The following COL7A1 variants were observed in gnomAD, a reference collection of about 807,000 sequenced individuals.
COL7A1 encodes the protein collagen alpha-1(VII) chain.
A neutral mutation model predicts 456.2 loss-of-function variants in COL7A1; 296 were observed. The ratio of observed to expected loss-of-function variants is 0.65; its 90% confidence interval spans 0.59 to 0.71. The LOEUF is 0.71. Ranked by LOEUF, COL7A1 falls within the 30% of genes least tolerant of loss-of-function variation. The pLI is 0.00. For synonymous variants in COL7A1, 1,464 were observed against 1,525.9 expected, an observed-to-expected ratio of 0.96 and a Z score of 0.95; for missense variants, 3,441 against 4,017.2, an observed-to-expected ratio of 0.86 and a Z score of 3.88.
chr3:48,575,021 C>G lies in COL7A1; in HGVS notation c.6279+43G>C. 6.2e-7 allele frequency: 1 copy of G among 1,600,400 alleles called. No individual in the cohort carries two copies. Among genetic ancestry groups the G allele is most frequent in the Non-Finnish European group, 8.6e-7 (1 of 1,167,896 alleles). On this transcript the variant is annotated intron_variant, in intron 76 of 118. Transcript: ENST00000681320. This position sits in a 1 kb window ranked among gnomAD's most constrained non-coding sequence, Gnocchi z 6.3. ...TGGGGACCAAGCTAAGGGTGGCTTC[C>G]TGGTCACTAGTCACAGGACTAAGGC...
In COL7A1 at chr3:48,595,064, G is replaced by A; in HGVS notation, c.85+11C>T. 1 of 1,546,940 alleles carries A rather than the reference G, an allele frequency of 6.5e-7. No homozygotes were observed. The highest frequency in any genetic ancestry group is 8.7e-7 in the Non-Finnish European group (1 of 1,145,584). On this transcript the variant is annotated intron_variant, in intron 2 of 118. Coordinates refer to ENST00000681320, the MANE Select transcript of COL7A1 (RefSeq NM_000094.4). ...AGTGCCCCGGGCCGGGTCCTCCCTT[G>A]CGGTGCCCACCTCTCTCCCTGTGCT...
chr3:48,565,091 G>GGCA lies in COL7A1; in HGVS notation c.8620+17_8620+18insTGC, dbSNP rs35631233. 1.3e-5 allele frequency: 19 copies of GGCA among 1,461,442 alleles called. No homozygotes were observed. Among genetic ancestry groups the GGCA allele is most frequent in the African/African-American group, 3.0e-5 (1 of 33,482 alleles). The allele number at this position is 1,461,442 out of a possible 1,614,324, so 90.5% of individuals were successfully genotyped here. A position where few individuals can be genotyped will look rare whatever the true frequency, so the allele number is the denominator to read the frequency against. ...GCCTGCCCCTCCCCAGACCCCGCTG[G>GGCA]CAGCCCCCCATTCTCACCATCACTA... On this transcript the variant is annotated intron_variant, in intron 117 of 118. Transcript: ENST00000681320. This position sits in a 1 kb window ranked among gnomAD's most constrained non-coding sequence, Gnocchi z 4.5.
rs113167762 is a variant in COL7A1 at position 48,592,946 on chromosome 3, T to G, written c.683-8A>C. ...CAGAGGTCGAGTCATCCGCTGGGAATGCGGGATCAGGGGATCAGGCAGGAG... is the reference window on the plus strand; with the variant it reads ...CAGAGGTCGAGTCATCCGCTGGGAAGGCGGGATCAGGGGATCAGGCAGGAG... On this transcript the variant is annotated splice_polypyrimidine_tract_variant and splice_region_variant and intron_variant, in intron 6 of 118. Transcript: ENST00000681320. The surrounding 1 kb of genome is among the most constrained non-coding windows in gnomAD (Gnocchi z 7.6). 1 of 1,613,540 alleles carries G rather than the reference T, an allele frequency of 6.2e-7. No homozygotes were observed. The highest frequency in any genetic ancestry group is 8.5e-7 in the Non-Finnish European group (1 of 1,179,934).
Position 48,570,204 on chromosome 3 carries a change from A to C in COL7A1, c.7441-26T>G. 1 of 1,614,018 alleles carries C rather than the reference A, an allele frequency of 6.2e-7. No individual in the cohort carries two copies. Among genetic ancestry groups the C allele is most frequent in the Non-Finnish European group, 8.5e-7 (1 of 1,179,962 alleles). On this transcript the variant is annotated intron_variant, in intron 98 of 118. Coordinates refer to ENST00000681320, the MANE Select transcript of COL7A1 (RefSeq NM_000094.4). The surrounding 1 kb of genome is among the most constrained non-coding windows in gnomAD (Gnocchi z 5.5). Reference sequence around the variant, plus strand: ...CTGGATGGTGACATTAGGTTCATTGACTCAGAGGTTGGAAATCAGAGGCAA... The same window carrying C: ...CTGGATGGTGACATTAGGTTCATTGCCTCAGAGGTTGGAAATCAGAGGCAA...
intron 66 of COL7A1, 29 bp downstream of exon 66, chr3:48,576,963 C>T: frequency 3.7e-6 from 6 of 1,613,950 alleles, no homozygotes; most frequent in Non-Finnish European, 5.1e-6. Context: ...CAAGCAGAGA[C>T]CAGAGAGACC....
chr3:48,582,961 G>A (rs2107722483), intron 44 of COL7A1, 52 bp downstream of exon 44: 2 of 1,613,884 alleles, frequency 1.2e-6, no homozygotes, highest in East Asian at 2.2e-5. Context: ...GTCAGAACCA[G>A]AAAGGGCACA....
At position 48,575,046 on chromosome 3, in the gene COL7A1, C is replaced by A; in HGVS notation, c.6279+18G>T. ...CTGGTCACTAGTCACAGGACTAAGG[C>A]AGGGATGGGGTGATCACCTTGGGGC... On this transcript the variant is annotated intron_variant, in intron 76 of 118. Transcript: ENST00000681320. This position sits in a 1 kb window ranked among gnomAD's most constrained non-coding sequence, Gnocchi z 6.3. 4.3e-6 allele frequency: 7 copies of A among 1,610,836 alleles called. No homozygotes were observed. Among genetic ancestry groups the A allele is most frequent in the Non-Finnish European group, 5.9e-6 (7 of 1,177,210 alleles).
chr3:48,564,441 A>T lies in COL7A1; in HGVS notation c.8819-19T>A. 1 of 1,613,956 alleles carries T rather than the reference A, an allele frequency of 6.2e-7. No homozygotes were observed. The highest frequency in any genetic ancestry group is 1.1e-5 in the South Asian group (1 of 91,050). On this transcript the variant is annotated intron_variant, in intron 118 of 118. Coordinates refer to ENST00000681320, the MANE Select transcript of COL7A1 (RefSeq NM_000094.4). This position sits in a 1 kb window ranked among gnomAD's most constrained non-coding sequence, Gnocchi z 6.0. The stretch of plus-strand genomic sequence containing the variant: ...GCAGTACCTGGTGAGGACAGGTTGG[A>T]AACGGTCGTCAGCCATCTGACCTTC...
In COL7A1 at chr3:48,594,357, C is replaced by T. The variant is rs747893570; in HGVS notation, c.266+11G>A. Reference sequence around the variant, plus strand: ...ATCTCGTGGTCCCCAGCCCCCAGGGCCCCTACTCACCGTGGGTCATCGCTG... The same window carrying T: ...ATCTCGTGGTCCCCAGCCCCCAGGGTCCCTACTCACCGTGGGTCATCGCTG... On this transcript the variant is annotated intron_variant, in intron 3 of 118. Coordinates refer to ENST00000681320, the MANE Select transcript of COL7A1 (RefSeq NM_000094.4). The surrounding 1 kb of genome is among the most constrained non-coding windows in gnomAD (Gnocchi z 5.5). 1 of 1,606,120 alleles carries T rather than the reference C, an allele frequency of 6.2e-7. No individual in the cohort carries two copies. The highest frequency in any genetic ancestry group is 1.1e-5 in the South Asian group (1 of 90,710).
In COL7A1 at chr3:48,574,418, C is replaced by T; in HGVS notation, c.6456+70G>A. On this transcript the variant is annotated intron_variant, in intron 79 of 118. Transcript: ENST00000681320. This position sits in a 1 kb window ranked among gnomAD's most constrained non-coding sequence, Gnocchi z 5.0. ...CAGTCCCAGGCAGTACAGACCCCAG[C>T]CCTGCACACAGGACAATACATGTGA... 1.2e-6 allele frequency: 2 copies of T among 1,610,498 alleles called. No individual in the cohort carries two copies. The highest frequency in any genetic ancestry group is 1.7e-6 in the Non-Finnish European group (2 of 1,176,840).
In COL7A1 at chr3:48,581,381, A is replaced by T; in HGVS notation, c.4819-41T>A. The T allele has an allele frequency of 6.2e-7, 1 of 1,613,738 alleles. No individual in the cohort carries two copies. The highest frequency in any genetic ancestry group is 8.5e-7 in the Non-Finnish European group (1 of 1,179,928). On this transcript the variant is annotated intron_variant, in intron 51 of 118. Coordinates refer to ENST00000681320, the MANE Select transcript of COL7A1 (RefSeq NM_000094.4). The surrounding 1 kb of genome is among the most constrained non-coding windows in gnomAD (Gnocchi z 5.8). ...GAGGGAGGTGATGCAGGACGCTCGA[A>T]GCAAGCAGTTCTCAAGGGGAGGGGA...
chr3:48,578,594 A>G lies in COL7A1; in HGVS notation c.5425-79T>C. 6.7e-7 allele frequency: 1 copy of G among 1,492,646 alleles called. No homozygotes were observed. Among genetic ancestry groups the G allele is most frequent in the Non-Finnish European group, 9.3e-7 (1 of 1,076,170 alleles). The allele number at this position is 1,492,646 out of a possible 1,614,324, so 92.5% of individuals were successfully genotyped here. On this transcript the variant is annotated intron_variant, in intron 63 of 118. Transcript: ENST00000681320. This position sits in a 1 kb window ranked among gnomAD's most constrained non-coding sequence, Gnocchi z 4.7. ...ACACCCCATGGACTAAGAGGACCCC[A>G]AAAAGATCTCCCTCCAGGGTAGAGA...
chr3:48,587,691 G>T lies in COL7A1; in HGVS notation c.2857+102C>A. ...TGCTGGGGTCACCCAGGGTCAGAGG[G>T]TGAGGGGTAGGGGTACAGGAGGAGT... On this transcript the variant is annotated intron_variant, in intron 22 of 118. Coordinates refer to ENST00000681320, the MANE Select transcript of COL7A1 (RefSeq NM_000094.4). This position sits in a 1 kb window ranked among gnomAD's most constrained non-coding sequence, Gnocchi z 6.1. 1.2e-6 allele frequency: 2 copies of T among 1,603,120 alleles called. No homozygotes were observed. The highest frequency in any genetic ancestry group is 8.5e-7 in the Non-Finnish European group (1 of 1,171,040).
chr3:48,586,616 A>C lies in COL7A1; in HGVS notation c.3350T>G (p.Ile1117Ser), dbSNP rs762466199. The C allele has an allele frequency of 1.1e-5, 18 of 1,613,720 alleles. No individual in the cohort carries two copies. Among genetic ancestry groups the C allele is most frequent in the Non-Finnish European group, 1.5e-5 (18 of 1,180,020 alleles). The change falls in exon 26 of 119, where the codon ATC becomes AGC. Residue 1117 changes from isoleucine (I) to serine (S), a missense_variant. Coordinates refer to ENST00000681320, the MANE Select transcript of COL7A1 (RefSeq NM_000094.4). The surrounding 1 kb of genome is among the most constrained non-coding windows in gnomAD (Gnocchi z 5.1). ...PLNGSHDLGI[I>S]LQRIRDMPYM... ...GGGCATGTCACGGATCCTTTGCAAG[A>C]TAATGCCAAGGTCATGGGAGCCATT...
chr3:48,576,337 G>T lies in COL7A1; in HGVS notation c.5773-41C>A, dbSNP rs767808680. 3.1e-6 allele frequency: 5 copies of T among 1,613,946 alleles called. No homozygotes were observed. In the South Asian group the frequency reaches 5.5e-5, roughly 18 times the overall value. On this transcript the variant is annotated intron_variant, in intron 70 of 118. Coordinates refer to ENST00000681320, the MANE Select transcript of COL7A1 (RefSeq NM_000094.4). The stretch of plus-strand genomic sequence containing the variant: ...CAAACTGCTAGGAACCAGCCTATGG[G>T]TGTGCATGTGCACATGTGGGTGCTG...
In COL7A1 at chr3:48,587,283, T is replaced by C; in HGVS notation, c.3046A>G (p.Thr1016Ala). 6.2e-7 allele frequency: 1 copy of C among 1,608,770 alleles called. No homozygotes were observed. The highest frequency in any genetic ancestry group is 1.7e-5 in the Admixed American group (1 of 59,306). The change falls in exon 24 of 119, where the codon ACA (threonine) becomes GCA (alanine). Residue 1016 changes from threonine to alanine, a missense_variant. This residue lies in a region of COL7A1 where 444 missense variants were observed against 427.6 expected (regional missense o/e 1.04). Transcript: ENST00000681320. This position sits in a 1 kb window ranked among gnomAD's most constrained non-coding sequence, Gnocchi z 6.1. ...TAAGAGACGCCAGGCTCTAGCCCTG[T>C]CACCCGCTGGGAGCTTGAGATCCCT... ...LPGISSSQRV[T>A]GLEPGVSYIF...
chr3:48,573,276 C>T lies in COL7A1; in HGVS notation c.6651+40G>A. ...AGTTCAGGGCAGTGCCAACCCCACC[C>T]ATCTCCCTATGACCCTAACCTGTGA... On this transcript the variant is annotated intron_variant, in intron 84 of 118. Coordinates refer to ENST00000681320, the MANE Select transcript of COL7A1 (RefSeq NM_000094.4). The surrounding 1 kb of genome is among the most constrained non-coding windows in gnomAD (Gnocchi z 5.5). The T allele has an allele frequency of 1.9e-6, 3 of 1,614,038 alleles. No homozygotes were observed. The highest frequency in any genetic ancestry group is 2.5e-6 in the Non-Finnish European group (3 of 1,180,032).
In COL7A1 at chr3:48,575,402, A is replaced by G; in HGVS notation, c.6117T>C (p.Pro2039=). 1 of 1,608,756 alleles carries G rather than the reference A, an allele frequency of 6.2e-7. No homozygotes were observed. Among genetic ancestry groups the G allele is most frequent in the African/African-American group, 1.3e-5 (1 of 74,330 alleles). The change falls in exon 74 of 119, where the codon CCT becomes CCC. Residue 2039 remains proline (P), a synonymous_variant. Transcript: ENST00000681320. The surrounding 1 kb of genome is among the most constrained non-coding windows in gnomAD (Gnocchi z 6.3). ...PSGLAGEPGK[P]GIPGLPGRAG... ...CCCTGCCTGGGAGCCCGGGAATACCAGGCTTTCCAGGCTCCCCGGCAAGGC... is the reference window on the plus strand; with the variant it reads ...CCCTGCCTGGGAGCCCGGGAATACCGGGCTTTCCAGGCTCCCCGGCAAGGC...
At position 48,568,061 on chromosome 3, in the gene COL7A1, G is replaced by GA. The variant is rs763341719; in HGVS notation, c.7875+28dup. The GA allele has an allele frequency of 4.3e-6, 7 of 1,613,860 alleles. No homozygotes were observed. Among genetic ancestry groups the GA allele is most frequent in the Middle Eastern group, 3.3e-4 (2 of 6,062 alleles). ...CTTCAACATTAGGCCTTCCTGACCA[G>GA]AAAAAAACCAATCTTGTTTCTTTCC... On this transcript the variant is annotated intron_variant, in intron 106 of 118. Coordinates refer to ENST00000681320, the MANE Select transcript of COL7A1 (RefSeq NM_000094.4). The surrounding 1 kb of genome is among the most constrained non-coding windows in gnomAD (Gnocchi z 5.2).
Sources: allele counts gnomAD v4.1 joint callset, GRCh38; gene constraint gnomAD v4.1.1; regional missense constraint gnomAD v4.1.1; non-coding constraint Gnocchi (gnomAD v3.1); transcripts MANE v1.5; gene names NCBI Gene and HGNC (gene_info 2026-07-23, HGNC 2026-07-21).